CDK11A: variants seen among roughly 807,000 people sequenced by gnomAD.
CDK11A encodes the protein cyclin-dependent kinase 11A.
Under a neutral mutation model 83.6 loss-of-function variants are expected in CDK11A, and 55 were observed. That is an observed-to-expected ratio of 0.66 (90% CI 0.53 to 0.82). The LOEUF is 0.82. Among genes scored for constraint, CDK11A ranks in the 40% least tolerant of loss-of-function variants. The pLI is 0.00. For missense variants in CDK11A, 564 were observed against 810.1 expected (o/e 0.70, Z 3.69); for synonymous variants, 247 against 302.7 (o/e 0.82, Z 1.91).
At chr1:1,722,635 C>G (rs765894685) in intron 2 of CDK11A, 73 bp downstream of exon 2, 1 of 950,108 alleles carries the variant, frequency 1.1e-6, no homozygotes, top group African/African-American at 1.7e-5. Context: ...AAGCGTTGTT[C>G]TAATGGAAAA....
Position 1,703,832 on chromosome 1 carries a change from C to CT in CDK11A, c.1902dup (p.Val635SerfsTer10). ...GGCAGGGCCAGACCCACCTTGAACA[C>CT]TTTGTTGATCTGATCGATTTCCGAA... On this transcript the variant is annotated frameshift_variant, in exon 17 of 20. Transcript: ENST00000404249. LOFTEE classifies it high-confidence loss of function. 6.8e-6 allele frequency: 11 copies of CT among 1,609,760 alleles called. No individual in the cohort carries two copies. The highest frequency in any genetic ancestry group is 9.3e-6 in the Non-Finnish European group (11 of 1,176,972).
At chr1:1,720,034 G>C (rs1001418649) in intron 3 of CDK11A, among the ~76,000 whole-genome samples, 1 of 150,956 alleles carries the variant, frequency 6.6e-6, no homozygotes, top group African/African-American at 2.4e-5. Context: ...TGACTGTGGT[G>C]ACAGTTTCAG....
At chr1:1,704,012 G>A (rs1466246161) in intron 16 of CDK11A, 27 bp downstream of exon 16, 2 of 1,602,134 alleles carry the variant, frequency 1.2e-6, no homozygotes, top group Admixed American at 3.4e-5. Flanking sequence ...GGGGGACAGG[G>A]GAGGCACTCA....
intron 9 of CDK11A, 96 bp downstream of exon 9, chr1:1,708,694 AGAAG>A (rs1420788273): frequency 6.9e-6 from 5 of 727,238 alleles, no homozygotes; most frequent in Non-Finnish European, 1.1e-5. Flanking sequence ...AGTCCTAGAT[AGAAG>A]GGAGTTTCAA....
chr1:1,703,245 C>T lies in CDK11A; in HGVS notation c.2085G>A (p.Arg695=), dbSNP rs760663087. ...MNKFLTYFPG[R]RISAEDGLKH... ...TGAGGCCGTCCTCAGCGCTGATCCT[C>T]CTCCCGGGGAAGTAGGTCAGGAACC... is the stretch of plus-strand genomic sequence containing the variant. The change falls in exon 19 of 20, where the codon AGG becomes AGA. Residue 695 remains arginine, a synonymous_variant. Transcript: ENST00000404249. 2,937 of 462,182 alleles carry T rather than the reference C, an allele frequency of 6.4e-3. 41 individuals are homozygous for T. In the African/African-American group the frequency reaches 0.14, roughly 22 times the overall value. The allele number at this position is 462,182 out of a possible 1,614,324, so 28.6% of individuals were successfully genotyped here.
chr1:1,718,301 C>T (rs36135823), intron 4 of CDK11A, among the ~76,000 whole-genome samples: 92,309 of 129,558 alleles, frequency 0.71, 32,797 homozygotes, highest in Non-Finnish European at 0.82. Context: ...CGCATGCTTT[C>T]AGCTAGAGTA....
chr1:1,704,034 C>T lies in CDK11A; in HGVS notation c.1794+5G>A. On this transcript the variant is annotated splice_donor_5th_base_variant and intron_variant, in intron 16 of 19. Transcript: ENST00000404249. The stretch of plus-strand genomic sequence containing the variant: ...AGGGGAGGCACTCAGACGCCCAGGA[C>T]TCACCTTGGCACCAAGCAGCAGCTC... The T allele has an allele frequency of 6.3e-7, 1 of 1,597,104 alleles. No homozygotes were observed.
chr1:1,710,803 C>T (rs952802644), intron 6 of CDK11A, among the ~76,000 whole-genome samples: 4 of 129,650 alleles, frequency 3.1e-5, no homozygotes, highest in Admixed American at 8.2e-5. Flanking sequence ...AACAAGAAAC[C>T]AGAGAGAAAT....
intron 3 of CDK11A, among the ~76,000 whole-genome samples, chr1:1,719,769 A>G (rs111237010): frequency 3.3e-5 from 5 of 150,386 alleles, no homozygotes; most frequent in African/African-American, 9.8e-5. Flanking sequence ...GGCACCCGCC[A>G]CCACACCCAG....
At chr1:1,708,467 C>A (rs1644405604) in intron 9 of CDK11A, among the ~76,000 whole-genome samples, 2 of 142,300 alleles carry the variant, frequency 1.4e-5, no homozygotes, top group African/African-American at 2.6e-5. Context: ...GTGGTGAAAC[C>A]CCGTCTCGAC....
rs756337940 is a variant in CDK11A, at chr1:1,719,278, A to C, written c.355+50T>G. On this transcript the variant is annotated intron_variant, in intron 4 of 19. Coordinates refer to ENST00000404249, the MANE Select transcript of CDK11A (RefSeq NM_024011.4). ...GGGAAGGCAGAAGAGTAGGAACAGGAAAGAAACCACACTTGAACATGATGT... is the reference window on the plus strand; with the variant it reads ...GGGAAGGCAGAAGAGTAGGAACAGGCAAGAAACCACACTTGAACATGATGT... The C allele has an allele frequency of 2.1e-6, 3 of 1,444,362 alleles. No homozygotes were observed. The African/African-American group carries it at 4.4e-5, about 21-fold the overall frequency. 89.5% of individuals were successfully genotyped at this position (1,444,362 alleles called of 1,614,324 possible).
chr1:1,708,239 ACTT>A lies in CDK11A; in HGVS notation c.1007_1009del (p.Glu336del). On this transcript the variant is annotated inframe_deletion, in exon 10 of 20. Transcript: ENST00000404249. ...ATCTTCACTCATTTCTTCCTCACTT[ACTT>A]CTTCTGCAAGAGAAAGGAGGCGTCT... is the stretch of plus-strand genomic sequence containing the variant. 1.3e-6 allele frequency: 2 copies of A among 1,542,492 alleles called. No individual in the cohort carries two copies. Among genetic ancestry groups the A allele is most frequent in the East Asian group, 2.3e-5 (1 of 43,794 alleles).
intron 4 of CDK11A, 149 bp downstream of exon 4, chr1:1,719,179 C>T: frequency 1.6e-6 from 1 of 606,920 alleles, no homozygotes; most frequent in Non-Finnish European, 2.6e-6. Flanking sequence ...TCTCTATAGC[C>T]CTTCTGAACG....
rs374169207 is a variant in CDK11A at position 1,721,625 on chromosome 1, C to T, written c.198G>A (p.Pro66=). The T allele has an allele frequency of 1.2e-5, 19 of 1,607,222 alleles. No individual in the cohort carries two copies. Among genetic ancestry groups the T allele is most frequent in the Middle Eastern group, 1.7e-4 (1 of 6,046 alleles). The part of the protein sequence containing the change: ...HCMEITIRNS[P]YRREDSMEDR... The stretch of plus-strand genomic sequence containing the variant: ...CTTCCATTGAGTCTTCTCTTCTATA[C>T]GGGGAGTTCCTTATTGTGATCTCCA... The change falls in exon 3 of 20, where the codon CCG becomes CCA. Residue 66 remains proline, a synonymous_variant. Transcript: ENST00000404249.
rs1264038913 is a variant in CDK11A at position 1,722,406 on chromosome 1, AAATACTT to A, written c.111+295_111+301del. 5.6e-5 allele frequency: 28 copies of A among 502,120 alleles called. No homozygotes were observed. The East Asian group carries it at 1.3e-3, about 23-fold the overall frequency. The allele number at this position is 502,120 out of a possible 1,614,324, so 31.1% of individuals were successfully genotyped here. ...TCAAGGCAAGTTCCCACTATATTAA[AAATACTT>A]AGAGATAGTATTATGAATATACTAA... is the stretch of plus-strand genomic sequence containing the variant. On this transcript the variant is annotated intron_variant, in intron 2 of 19. Coordinates refer to ENST00000404249, the MANE Select transcript of CDK11A (RefSeq NM_024011.4).
At position 1,702,994 on chromosome 1, in the gene CDK11A, G is replaced by A. The variant is rs1311089414; in HGVS notation, c.2256C>T (p.Asp752=). 4.4e-5 allele frequency: 20 copies of A among 452,258 alleles called. No individual in the cohort carries two copies. Among genetic ancestry groups the A allele is most frequent in the Non-Finnish European group, 6.5e-5 (17 of 260,638 alleles). 28.0% of individuals were successfully genotyped at this position (452,258 alleles called of 1,614,324 possible). Residue 752 remains aspartate (D), a synonymous_variant, in exon 20 of 20, where the codon GAC becomes GAT. Coordinates refer to ENST00000404249, the MANE Select transcript of CDK11A (RefSeq NM_024011.4). The part of the protein sequence containing the change: ...EGGLGYSQLG[D]DDLKETGFHL... ...GGAAGCCCGTCTCCTTCAGGTCGTCGTCACCCTGGGACGAGTCGGCTACCG... is the reference window on the plus strand; with the variant it reads ...GGAAGCCCGTCTCCTTCAGGTCGTCATCACCCTGGGACGAGTCGGCTACCG...
Position 1,707,523 on chromosome 1 carries a change from A to C in CDK11A, c.1131T>G (p.Gly377=). The change falls in exon 11 of 20, where the codon GGT becomes GGG. Residue 377 remains glycine, a synonymous_variant. Transcript: ENST00000404249. ...GGGCGCTGCTCTGCGGCGTTCCCTC[A>C]CCCACTTCTTCCTCTGCTTCTTCAC... The part of the protein sequence containing the change: ...GESEEAEEEV[G]EGTPQSSALT... 1 of 1,600,262 alleles carries C rather than the reference A, an allele frequency of 6.2e-7. No homozygotes were observed. The highest frequency in any genetic ancestry group is 1.4e-5 in the African/African-American group (1 of 72,048).
intron 10 of CDK11A, among the ~76,000 whole-genome samples, chr1:1,707,951 TG>T (rs1557785274): frequency 7.2e-6 from 1 of 137,970 alleles, no homozygotes. Flanking sequence ...GAACTGGTCC[TG>T]GGCTTCCCAG....
chr1:1,721,094 G>A (rs568291452), intron 3 of CDK11A, among the ~76,000 whole-genome samples: 2 of 150,954 alleles, frequency 1.3e-5, no homozygotes, highest in South Asian at 2.1e-4. Flanking sequence ...CCAGGAGGCT[G>A]AGGCAGGAGA....
Sources: gnomAD v4.1 joint callset for allele counts (sites outside exome capture counted in the v4.1 genomes callset) on GRCh38, gnomAD v4.1.1 for gene constraint, MANE v1.5 for transcripts, NCBI Gene and HGNC (gene_info 2026-07-23, HGNC 2026-07-21) for gene names.